ERI3: variants seen among roughly 807,000 people sequenced by gnomAD.
ERI3 encodes the protein ERI1 exoribonuclease family member 3.
ERI3 carries 18 observed loss-of-function variants against 44.4 expected under a neutral mutation model. That is an observed-to-expected ratio of 0.41 (90% CI 0.28 to 0.60). The LOEUF is 0.60. Ranked by LOEUF, ERI3 falls within the 20% of genes least tolerant of loss-of-function variation. The pLI is 0.36. For missense variants in ERI3, 294 were observed against 435.5 expected (o/e 0.68, Z 2.89); for synonymous variants, 183 against 164.8 (o/e 1.11, Z -0.84).
chr1:44,325,716 C>T (rs1011600893), intron 3 of ERI3, among the ~76,000 whole-genome samples: 3 of 151,988 alleles, frequency 2.0e-5, no homozygotes, highest in Non-Finnish European at 4.4e-5. Context: ...GGCTGGAGTA[C>T]GGTGGCATGA....
At chr1:44,227,131 G>T (rs991834815) in intron 8 of ERI3, among the ~76,000 whole-genome samples, 2 of 152,182 alleles carry the variant, frequency 1.3e-5, no homozygotes, top group Non-Finnish European at 2.9e-5. Flanking sequence ...TGATCTTATG[G>T]GACTAAGAGG....
At chr1:44,278,778 T>G (rs1426505053) in intron 7 of ERI3, among the ~76,000 whole-genome samples, 1 of 152,170 alleles carries the variant, frequency 6.6e-6, no homozygotes, top group Non-Finnish European at 1.5e-5. Context: ...TTTTTGTATT[T>G]TTTAAATAAA....
At chr1:44,294,740 G>T (rs1023926555) in intron 6 of ERI3, among the ~76,000 whole-genome samples, 1 of 152,264 alleles carries the variant, frequency 6.6e-6, no homozygotes, top group Non-Finnish European at 1.5e-5. Context: ...TGTGGTCAGT[G>T]CCTCAGCTAA....
intron 6 of ERI3, among the ~76,000 whole-genome samples, chr1:44,296,262 G>A (rs990506797): frequency 6.6e-6 from 1 of 152,196 alleles, no homozygotes; most frequent in African/African-American, 2.4e-5. Context: ...GGGAGGTTCA[G>A]AAGCTATTTA....
chr1:44,262,352 C>T (rs1206301875), intron 7 of ERI3, among the ~76,000 whole-genome samples: 1 of 152,230 alleles, frequency 6.6e-6, no homozygotes, highest in Non-Finnish European at 1.5e-5. Context: ...ATTACTCCCT[C>T]TCTGGAAATC....
intron 8 of ERI3, among the ~76,000 whole-genome samples, chr1:44,245,596 T>C (rs1232953179): frequency 6.6e-6 from 1 of 152,160 alleles, no homozygotes; most frequent in Non-Finnish European, 1.5e-5. Context: ...CCTTACTCCA[T>C]TGTCACTCAG....
At chr1:44,351,305 A>T (rs1646885533) in intron 2 of ERI3, among the ~76,000 whole-genome samples, 1 of 152,196 alleles carries the variant, frequency 6.6e-6, no homozygotes, top group Non-Finnish European at 1.5e-5. Context: ...AAGTGCTGGG[A>T]TTACAGGCGT....
chr1:44,326,779 C>A (rs972587026), intron 3 of ERI3, among the ~76,000 whole-genome samples: 2 of 152,180 alleles, frequency 1.3e-5, no homozygotes, highest in African/African-American at 4.8e-5. Context: ...ACATGTCCCC[C>A]TCTCCCCATC....
chr1:44,353,076 A>G (rs1413991579), intron 1 of ERI3, 151 bp from the exon 2 acceptor site: 2 of 1,451,918 alleles, frequency 1.4e-6, no homozygotes, highest in African/African-American at 2.8e-5. Flanking sequence ...GCTTTCAGAA[A>G]CTATTAGTAC....
At chr1:44,351,760 T>C (rs1646894836) in intron 2 of ERI3, among the ~76,000 whole-genome samples, 1 of 152,230 alleles carries the variant, frequency 6.6e-6, no homozygotes. Flanking sequence ...CTAAGTACTC[T>C]GTTTCAGCCA....
intron 2 of ERI3, among the ~76,000 whole-genome samples, chr1:44,344,098 G>A (rs1646737566): frequency 6.6e-6 from 1 of 151,800 alleles, no homozygotes; most frequent in South Asian, 2.1e-4. Flanking sequence ...AATTAGCCAG[G>A]CATGGTAGCA....
chr1:44,259,916 TAGATAGACAGACAGAC>T (rs1644859826), intron 7 of ERI3, among the ~76,000 whole-genome samples: 1 of 141,406 alleles, frequency 7.1e-6, no homozygotes, highest in Admixed American at 7.0e-5. Flanking sequence ...GATAGATAGA[TAGATAGACAGACAGAC>T]AGACAGACAG....
intron 5 of ERI3, among the ~76,000 whole-genome samples, chr1:44,308,987 CA>C (rs962662292): frequency 2.0e-5 from 3 of 152,186 alleles, no homozygotes; most frequent in African/African-American, 7.2e-5. Flanking sequence ...GCTAAAAGTT[CA>C]AAACTGGCCC....
chr1:44,327,307 T>C (rs1174212068), intron 3 of ERI3, among the ~76,000 whole-genome samples: 2 of 152,244 alleles, frequency 1.3e-5, no homozygotes, highest in Non-Finnish European at 2.9e-5. Flanking sequence ...TAAGAGGGCC[T>C]GATCTCTCTG....
intron 7 of ERI3, among the ~76,000 whole-genome samples, chr1:44,261,653 C>T (rs555310891): frequency 1.3e-5 from 2 of 152,364 alleles, no homozygotes; most frequent in South Asian, 2.1e-4. Context: ...CTATGCGCTC[C>T]GCTCCGTCCC....
chr1:44,235,415 G>A lies in ERI3; in HGVS notation c.931+12524C>T, dbSNP rs1644281832. On this transcript the variant is annotated intron_variant, in intron 8 of 8. Coordinates refer to ENST00000372257, the MANE Select transcript of ERI3 (RefSeq NM_024066.3). This position sits in a 1 kb window ranked among gnomAD's most constrained non-coding sequence, Gnocchi z 4.6. ...CGCCTTTGTGTTAGGAACCTCTTCTGTGTGCTCCCACAGCAGCCAATTCTC... is the reference window on the plus strand; with the variant it reads ...CGCCTTTGTGTTAGGAACCTCTTCTATGTGCTCCCACAGCAGCCAATTCTC... Among the ~76,000 whole-genome samples, 1 of 152,064 alleles carries A rather than the reference G, an allele frequency of 6.6e-6. No homozygotes were observed. Among genetic ancestry groups the A allele is most frequent in the Admixed American group, 6.5e-5 (1 of 15,278 alleles).
At chr1:44,272,056 G>C (rs1572160811) in intron 7 of ERI3, among the ~76,000 whole-genome samples, 1 of 152,132 alleles carries the variant, frequency 6.6e-6, no homozygotes, top group African/African-American at 2.4e-5. Flanking sequence ...CGATAGCCTA[G>C]TCATCTCATC....
At chr1:44,266,017 T>A (rs1644984428) in intron 7 of ERI3, among the ~76,000 whole-genome samples, 1 of 152,230 alleles carries the variant, frequency 6.6e-6, no homozygotes, top group Admixed American at 6.5e-5. Flanking sequence ...AATTGTATGG[T>A]ATATAAATTA....
intron 8 of ERI3, among the ~76,000 whole-genome samples, chr1:44,247,595 T>A (rs1644581435): frequency 6.6e-6 from 1 of 152,102 alleles, no homozygotes; most frequent in African/African-American, 2.4e-5. Context: ...CTCCTCCAGC[T>A]CCATGGGGGG....
Sources: allele counts gnomAD v4.1 joint callset (sites outside exome capture counted in the v4.1 genomes callset), GRCh38; gene constraint gnomAD v4.1.1; non-coding constraint Gnocchi (gnomAD v3.1); transcripts MANE v1.5; gene names NCBI Gene and HGNC (gene_info 2026-07-23, HGNC 2026-07-21).